PDE5A: variants seen among roughly 807,000 people sequenced by gnomAD.
PDE5A encodes phosphodiesterase 5A.
A neutral mutation model predicts 110.2 loss-of-function variants in PDE5A; 67 were observed. The observed-to-expected ratio is 0.61, with a 90% CI of 0.50 to 0.75. The LOEUF is 0.75. Among genes scored for constraint, PDE5A ranks in the 30% least tolerant of loss-of-function variants. The pLI is 0.00. For synonymous variants in PDE5A, 328 were observed against 351.2 expected (o/e 0.93, Z 0.74); for missense variants, 862 against 1,045.1 (o/e 0.82, Z 2.42).
intron 19 of PDE5A, 90 bp from the exon 20 acceptor site, chr4:119,501,343 C>G: frequency 1.3e-6 from 1 of 779,816 alleles, no homozygotes. Flanking sequence ...TGGAGTCTCA[C>G]TCTGTTGTCC....
At chr4:119,526,041 T>C (rs182789099) in intron 11 of PDE5A, among the ~76,000 whole-genome samples, 1 of 152,264 alleles carries the variant, frequency 6.6e-6, no homozygotes, top group East Asian at 1.9e-4. Flanking sequence ...TTATAATTTA[T>C]TGAGTAAATA....
At chr4:119,574,071 C>T (rs1728232899) in intron 3 of PDE5A, among the ~76,000 whole-genome samples, 1 of 151,064 alleles carries the variant, frequency 6.6e-6, no homozygotes, top group Admixed American at 6.6e-5. Flanking sequence ...ATAACTAGTT[C>T]AAGAATATGC....
intron 14 of PDE5A, 90 bp downstream of exon 14, chr4:119,518,955 A>C: frequency 1.2e-6 from 1 of 801,862 alleles, no homozygotes; most frequent in Non-Finnish European, 2.1e-6. Context: ...TGGGACCTTG[A>C]CCATCAAATT....
chr4:119,563,103 G>T, intron 5 of PDE5A, 133 bp from the exon 6 acceptor site: 1 of 606,216 alleles, frequency 1.6e-6, no homozygotes, highest in Non-Finnish European at 2.7e-6. Context: ...ATATAAATAC[G>T]TCTCCACTTA....
intron 9 of PDE5A, among the ~76,000 whole-genome samples, chr4:119,544,127 A>G (rs1302572287): frequency 6.6e-6 from 1 of 152,186 alleles, no homozygotes; most frequent in African/African-American, 2.4e-5. Context: ...GCACAAAAGG[A>G]TTTCATAGAG....
intron 14 of PDE5A, among the ~76,000 whole-genome samples, chr4:119,512,126 A>G (rs1725763010): frequency 6.6e-6 from 1 of 152,136 alleles, no homozygotes; most frequent in Non-Finnish European, 1.5e-5. Context: ...TTTGTTGAAG[A>G]TAGAGAAGCT....
intron 3 of PDE5A, among the ~76,000 whole-genome samples, chr4:119,579,007 C>A (rs933086587): frequency 6.6e-6 from 1 of 151,658 alleles, no homozygotes; most frequent in African/African-American, 2.4e-5. Context: ...AAACAAACAA[C>A]CCCATCAAAA....
At chr4:119,556,383 G>C (rs944172047) in intron 7 of PDE5A, among the ~76,000 whole-genome samples, 1 of 152,144 alleles carries the variant, frequency 6.6e-6, no homozygotes, top group Admixed American at 6.5e-5. Flanking sequence ...AATGACTGGA[G>C]CTGCATCCTT....
intron 3 of PDE5A, among the ~76,000 whole-genome samples, chr4:119,586,642 A>G (rs1460573391): frequency 3.3e-5 from 5 of 152,188 alleles, no homozygotes; most frequent in Admixed American, 6.5e-5. Context: ...ATATTATACA[A>G]AGAAATGTTT....
intron 1 of PDE5A, among the ~76,000 whole-genome samples, chr4:119,608,149 A>T (rs577369904): frequency 6.6e-6 from 1 of 152,324 alleles, no homozygotes; most frequent in East Asian, 1.9e-4. Flanking sequence ...ACTTCTGTAA[A>T]TATTATCCCA....
chr4:119,611,821 A>G (rs1488106689), intron 1 of PDE5A, among the ~76,000 whole-genome samples: 3 of 152,208 alleles, frequency 2.0e-5, no homozygotes, highest in Non-Finnish European at 4.4e-5. Context: ...ACATACTTGC[A>G]GAGGAAAACA....
rs33998714 is a variant in PDE5A at position 119,569,507 on chromosome 4, TA to T, written c.832-2364del. ...TTTGTACCAATAAATAAAGAAATAT[TA>T]AAAAAAAAACAAGTTCTGTCAAGAG... is the stretch of plus-strand genomic sequence containing the variant. On this transcript the variant is annotated intron_variant, in intron 3 of 20. Coordinates refer to ENST00000354960, the MANE Select transcript of PDE5A (RefSeq NM_001083.4). 7.9e-3 allele frequency among the ~76,000 whole-genome samples: 1,170 copies of T among 147,494 alleles called. 19 individuals carry two copies. The highest frequency in any genetic ancestry group is 0.028 in the African/African-American group (1,104 of 40,116).
intron 9 of PDE5A, among the ~76,000 whole-genome samples, chr4:119,545,858 T>C (rs1727114633): frequency 6.6e-6 from 1 of 152,178 alleles, no homozygotes; most frequent in Non-Finnish European, 1.5e-5. Context: ...CTTATTAAAA[T>C]GTAAAACGAA....
chr4:119,531,851 T>G (rs1394568436), intron 11 of PDE5A, among the ~76,000 whole-genome samples: 1 of 152,110 alleles, frequency 6.6e-6, no homozygotes. Context: ...AGTCACATAT[T>G]TGCCTGAGAT....
chr4:119,512,994 G>T (rs1273259699), intron 14 of PDE5A: 1 of 151,940 alleles, frequency 6.6e-6, no homozygotes, highest in Non-Finnish European at 1.5e-5. Context: ...ATTTTTTTTA[G>T]TTTATTATAT....
chr4:119,564,037 A>C (rs1727835113), intron 5 of PDE5A, among the ~76,000 whole-genome samples: 2 of 152,148 alleles, frequency 1.3e-5, no homozygotes, highest in South Asian at 4.1e-4. Context: ...TGAATGAAAA[A>C]AAATACTGTG....
At chr4:119,518,940 T>C (rs1726012839) in intron 14 of PDE5A, 105 bp downstream of exon 14, 8 of 678,920 alleles carry the variant, frequency 1.2e-5, no homozygotes, top group Admixed American at 2.4e-5. Flanking sequence ...AACCAGAGTA[T>C]GTTATGGGAC....
At position 119,542,525 on chromosome 4, in the gene PDE5A, C is replaced by A. The variant is rs200062137; in HGVS notation, c.1506G>T (p.Gly502=). ...LEAFVIFCGL[G]IQNTQMYEAV... is the part of the protein sequence containing the mutation. ...CTTCATACATCTGCGTGTTCTGGAT[C>A]CCCAAGCCACAAAAGATGACAAAAG... The change falls in exon 10 of 21, where the codon GGG becomes GGT. Residue 502 remains glycine, a synonymous_variant. Transcript: ENST00000354960. 8.4e-5 allele frequency: 135 copies of A among 1,613,978 alleles called. No homozygotes were observed. In the East Asian group the frequency reaches 2.0e-3, roughly 23 times the overall value.
chr4:119,499,094 T>C (rs1306704178), intron 20 of PDE5A, among the ~76,000 whole-genome samples: 1 of 152,208 alleles, frequency 6.6e-6, no homozygotes, highest in African/African-American at 2.4e-5. Flanking sequence ...CTGCTTAGTT[T>C]TTGCGTTTTT....
Sources: allele counts gnomAD v4.1 joint callset (sites outside exome capture counted in the v4.1 genomes callset), GRCh38; gene constraint gnomAD v4.1.1; transcripts MANE v1.5; gene names NCBI Gene and HGNC (gene_info 2026-07-23, HGNC 2026-07-21).